GLB1L2: variants seen among roughly 807,000 people sequenced by gnomAD.
GLB1L2 encodes the protein beta-galactosidase-1-like protein 2.
Under a neutral mutation model 84.1 loss-of-function variants are expected in GLB1L2, and 68 were observed. That is an observed-to-expected ratio of 0.81 (90% CI 0.67 to 0.99). The LOEUF is 0.99. Among genes scored for constraint, GLB1L2 ranks in the 50% least tolerant of loss-of-function variants. The pLI is 0.00. For missense variants in GLB1L2, 762 were observed against 805.6 expected, an observed-to-expected ratio of 0.95 and a Z score of 0.66; for synonymous variants, 290 against 318.0, an observed-to-expected ratio of 0.91 and a Z score of 0.94.
rs535114290 is a variant in GLB1L2, at chr11:134,357,825, C to T, written c.652-1235C>T. Among the ~76,000 whole-genome samples the T allele has an allele frequency of 7.2e-5, 11 of 152,358 alleles. No homozygotes were observed. The South Asian group carries it at 2.1e-3, about 29-fold the overall frequency. ...TGAGAGAACAGGTGCCTGCTCCCAGCCTAGCTCTGCAGATCTCTGGTGCTC... is the reference window on the plus strand; with the variant it reads ...TGAGAGAACAGGTGCCTGCTCCCAGTCTAGCTCTGCAGATCTCTGGTGCTC... On this transcript the variant is annotated intron_variant, in intron 6 of 18. Coordinates refer to ENST00000535456, the MANE Select transcript of GLB1L2 (RefSeq NM_001370461.1).
At chr11:134,363,160 A>G (rs1943820473) in intron 7 of GLB1L2, among the ~76,000 whole-genome samples, 1 of 152,052 alleles carries the variant, frequency 6.6e-6, no homozygotes, top group Non-Finnish European at 1.5e-5. Flanking sequence ...GTCTGGGTGG[A>G]GGGTCCCACC....
At chr11:134,360,529 G>A (rs1324608763) in intron 7 of GLB1L2, 1 of 152,204 alleles carries the variant, frequency 6.6e-6, no homozygotes, top group Non-Finnish European at 1.5e-5. Flanking sequence ...GCACGTTTTA[G>A]CGCTTGGCGG....
chr11:134,342,167 C>T (rs1943473019), intron 1 of GLB1L2, among the ~76,000 whole-genome samples: 1 of 152,104 alleles, frequency 6.6e-6, no homozygotes, highest in African/African-American at 2.4e-5. Context: ...TGCCGAGAGG[C>T]GCTTTCTCGC....
chr11:134,332,357 C>G (rs990631299), intron 1 of GLB1L2, among the ~76,000 whole-genome samples: 2 of 152,118 alleles, frequency 1.3e-5, no homozygotes, highest in African/African-American at 4.8e-5. Flanking sequence ...CTGGGCGACA[C>G]CCGGCGTGCC....
chr11:134,365,648 C>T (rs1226352649), intron 8 of GLB1L2, among the ~76,000 whole-genome samples: 1 of 152,236 alleles, frequency 6.6e-6, no homozygotes, highest in Non-Finnish European at 1.5e-5. Context: ...CCTTCAAGGT[C>T]ATCCTTAGAG....
Position 134,370,582 on chromosome 11 carries a change from C to T in GLB1L2, c.1215+183C>T, listed in dbSNP as rs2136288783. 6.6e-6 allele frequency among the ~76,000 whole-genome samples: 1 copy of T among 152,132 alleles called. No individual in the cohort carries two copies. The highest frequency in any genetic ancestry group is 1.9e-4 in the East Asian group (1 of 5,134). The stretch of plus-strand genomic sequence containing the variant: ...CAGTGCCTGGTGGCTCTGGGGTCTG[C>T]TCTCCGGCCTTGGAGCTCAGAGGGA... On this transcript the variant is annotated intron_variant, in intron 12 of 18. Transcript: ENST00000535456. This position sits in a 1 kb window ranked among gnomAD's most constrained non-coding sequence, Gnocchi z 4.7.
chr11:134,350,099 A>G (rs1943605809), intron 5 of GLB1L2, among the ~76,000 whole-genome samples: 2 of 152,192 alleles, frequency 1.3e-5, no homozygotes, highest in Non-Finnish European at 2.9e-5. Flanking sequence ...AGGGATGTGC[A>G]AGAACTCCCT....
chr11:134,358,002 A>G (rs1485378496), intron 6 of GLB1L2, among the ~76,000 whole-genome samples: 1 of 152,126 alleles, frequency 6.6e-6, no homozygotes, highest in Non-Finnish European at 1.5e-5. Flanking sequence ...CTCTTGATTA[A>G]TCCCACCTGG....
chr11:134,350,797 G>C (rs1943617655), intron 5 of GLB1L2, among the ~76,000 whole-genome samples: 1 of 152,324 alleles, frequency 6.6e-6, no homozygotes, highest in South Asian at 2.1e-4. Context: ...GTATTCCCAA[G>C]TATTTTGTTG....
At chr11:134,348,950 A>G (rs73604957) in intron 5 of GLB1L2, among the ~76,000 whole-genome samples, 7,356 of 152,226 alleles carry the variant, frequency 0.048, 330 homozygotes, top group African/African-American at 0.12. Context: ...CTATGCTCAT[A>G]ACTAATCACC....
In GLB1L2 at chr11:134,344,374, A is replaced by C; in HGVS notation, c.285-13A>C. 7 of 1,610,928 alleles carry C rather than the reference A, an allele frequency of 4.3e-6. No homozygotes were observed. The highest frequency in any genetic ancestry group is 5.9e-6 in the Non-Finnish European group (7 of 1,178,306). The stretch of plus-strand genomic sequence containing the variant: ...TGACATGCTCTAGCCTATAATTATC[A>C]TTTCTGTTGCAGCTATGTTCCGTGG... On this transcript the variant is annotated splice_polypyrimidine_tract_variant and intron_variant, in intron 2 of 18. Coordinates refer to ENST00000535456, the MANE Select transcript of GLB1L2 (RefSeq NM_001370461.1).
rs745743441 is a variant in GLB1L2 at position 134,332,143 on chromosome 11, C to T, written c.82C>T (p.Arg28Cys). 25 of 1,570,462 alleles carry T rather than the reference C, an allele frequency of 1.6e-5. No homozygotes were observed. The highest frequency in any genetic ancestry group is 2.4e-5 in the East Asian group (1 of 42,264). ...GGTCGTCTTGGGCTTCCTGGTGCTC[C>T]GCAGGTGAGAGAGAGCTTCGCGCAG... ...LLVVLGFLVL[R>C]RLDWSTLVPL... Residue 28 changes from arginine (R) to cysteine (C), a missense_variant, in exon 1 of 19, where the codon CGC becomes TGC. Around this residue, in one of 3 missense-constraint regions of GLB1L2, gnomAD observed 100 missense variants for 88.8 expected, o/e 1.13. Coordinates refer to ENST00000535456, the MANE Select transcript of GLB1L2 (RefSeq NM_001370461.1).
chr11:134,342,855 T>C lies in GLB1L2; in HGVS notation c.188T>C (p.Ile63Thr), dbSNP rs1943488621. The change falls in exon 2 of 19, where the codon ATC (isoleucine) becomes ACC (threonine). Residue 63 changes from isoleucine (I) to threonine (T), a missense_variant. Around this residue, in one of 3 missense-constraint regions of GLB1L2, gnomAD observed 100 missense variants for 88.8 expected, o/e 1.13. Coordinates refer to ENST00000535456, the MANE Select transcript of GLB1L2 (RefSeq NM_001370461.1). ...NFMLEDSTFW[I>T]FGGSIHYFRV... ...ATGCTGGAGGATTCCACCTTCTGGATCTTCGGGGGCTCCATCCACTATTTC... is the reference window on the plus strand; with the variant it reads ...ATGCTGGAGGATTCCACCTTCTGGACCTTCGGGGGCTCCATCCACTATTTC... 4 of 1,613,980 alleles carry C rather than the reference T, an allele frequency of 2.5e-6. No homozygotes were observed. The highest frequency in any genetic ancestry group is 3.4e-6 in the Non-Finnish European group (4 of 1,180,018).
chr11:134,347,426 C>T lies in GLB1L2; in HGVS notation c.551C>T (p.Pro184Leu), dbSNP rs1943568094. 1 of 1,607,068 alleles carries T rather than the reference C, an allele frequency of 6.2e-7. No homozygotes were observed. The highest frequency in any genetic ancestry group is 1.7e-5 in the Admixed American group (1 of 59,986). ...YFDHLMSRVVPLQYKRGGPII... is the reference protein window; with the variant it reads ...YFDHLMSRVVLLQYKRGGPII... ...GACCACCTGATGTCCAGGGTGGTGC[C>T]ACTCCAGGTACAAGCAAATGGGGTC... is the stretch of plus-strand genomic sequence containing the variant. Residue 184 changes from proline to leucine, a missense_variant, in exon 5 of 19, where the codon CCA becomes CTA. Coordinates refer to ENST00000535456, the MANE Select transcript of GLB1L2 (RefSeq NM_001370461.1).
intron 10 of GLB1L2, 136 bp downstream of exon 10, chr11:134,368,917 C>A (rs1235272755): frequency 2.3e-5 from 20 of 877,244 alleles, no homozygotes; most frequent in Non-Finnish European, 3.5e-5. Flanking sequence ...AAGGTACTTG[C>A]CTGGACAGTC....
chr11:134,333,038 T>C (rs1943328698), intron 1 of GLB1L2, among the ~76,000 whole-genome samples: 1 of 152,164 alleles, frequency 6.6e-6, no homozygotes, highest in Non-Finnish European at 1.5e-5. Flanking sequence ...GCTTCTTTTT[T>C]ACTTAGAGAA....
At chr11:134,354,681 A>G (rs1007032293) in intron 5 of GLB1L2, among the ~76,000 whole-genome samples, 1 of 152,224 alleles carries the variant, frequency 6.6e-6, no homozygotes, top group East Asian at 1.9e-4. Flanking sequence ...CACTTTGACT[A>G]TATCATCTCA....
At position 134,370,195 on chromosome 11, in the gene GLB1L2, A is replaced by G; in HGVS notation, c.1109-98A>G. ...GTTGTTCCTCTTGGTGCTGGGACGC[A>G]GGAGCACATCGGGTCTGTGGATGGG... On this transcript the variant is annotated intron_variant, in intron 11 of 18. Coordinates refer to ENST00000535456, the MANE Select transcript of GLB1L2 (RefSeq NM_001370461.1). This position sits in a 1 kb window ranked among gnomAD's most constrained non-coding sequence, Gnocchi z 4.7. 1 of 994,520 alleles carries G rather than the reference A, an allele frequency of 1.0e-6. No homozygotes were observed. Among genetic ancestry groups the G allele is most frequent in the Non-Finnish European group, 1.6e-6 (1 of 625,790 alleles). 61.6% of individuals were successfully genotyped at this position (994,520 alleles called of 1,614,324 possible). A position where few individuals can be genotyped will look rare whatever the true frequency, so the allele number is the denominator to read the frequency against.
intron 16 of GLB1L2, 78 bp downstream of exon 16, chr11:134,373,886 C>T (rs1943990151): frequency 9.1e-7 from 1 of 1,102,284 alleles, no homozygotes; most frequent in Non-Finnish European, 1.3e-6. Context: ...CCCTGGTGCA[C>T]CGTGGCCTGG....
Sources: allele counts gnomAD v4.1 joint callset (sites outside exome capture counted in the v4.1 genomes callset), GRCh38; gene constraint gnomAD v4.1.1; regional missense constraint gnomAD v4.1.1; non-coding constraint Gnocchi (gnomAD v3.1); transcripts MANE v1.5; gene names NCBI Gene and HGNC (gene_info 2026-07-23, HGNC 2026-07-21).